Variants in TMEM135 observed in about 807,000 individuals in gnomAD.
TMEM135 encodes the protein peroxisomal membrane protein 52.
In TMEM135, 30 loss-of-function variants were observed where a neutral mutation model predicts 60.3. The ratio of observed to expected loss-of-function variants is 0.50; its 90% CI spans 0.37 to 0.68. The LOEUF is 0.68. Ranked by LOEUF, TMEM135 falls within the 30% of genes least tolerant of loss-of-function variation. The probability of loss-of-function intolerance (pLI) is 0.00; values close to 1 mark genes in which losing one functional copy is unlikely to be tolerated. For missense variants in TMEM135, 468 were observed against 548.8 expected (o/e 0.85, Z 1.47); for synonymous variants, 190 against 186.7 (o/e 1.02, Z -0.14).
At chr11:87,227,269 G>A (rs1940785629) in intron 5 of TMEM135, among the ~76,000 whole-genome samples, 1 of 151,696 alleles carries the variant, frequency 6.6e-6, no homozygotes, top group South Asian at 2.1e-4. Flanking sequence ...CTTCTACACT[G>A]AAAAAAATTG....
At chr11:87,314,413 C>CATA in intron 11 of TMEM135, 58 bp from the exon 12 acceptor site, 1 of 1,406,142 alleles carries the variant, frequency 7.1e-7, no homozygotes, top group Non-Finnish European at 1.0e-6. Flanking sequence ...TTTCTGATGA[C>CATA]ATAATAACAA....
At chr11:87,166,228 G>T (rs1939042725) in intron 5 of TMEM135, among the ~76,000 whole-genome samples, 1 of 151,680 alleles carries the variant, frequency 6.6e-6, no homozygotes, top group Non-Finnish European at 1.5e-5. Context: ...TGGATAGATT[G>T]TAGAAATTTT....
intron 6 of TMEM135, 125 bp downstream of exon 6, chr11:87,236,809 C>A: frequency 1.1e-6 from 1 of 885,548 alleles, no homozygotes; most frequent in Non-Finnish European, 1.8e-6. Flanking sequence ...CCCCCCGCAC[C>A]CCCGCCCAGA....
rs374889595 is a variant in TMEM135, at chr11:87,038,096, C to T, written c.51C>T (p.His17=). 4.8e-5 allele frequency: 78 copies of T among 1,614,060 alleles called. No individual in the cohort carries two copies. Among genetic ancestry groups the T allele is most frequent in the Admixed American group, 6.7e-5 (4 of 60,006 alleles). The change falls in exon 1 of 15, where the codon CAC becomes CAT. Residue 17 remains histidine, a synonymous_variant. Transcript: ENST00000305494. The stretch of plus-strand genomic sequence containing the variant: ...CTCATAACTGCTATGAGATCGGCCA[C>T]ACTTGGCACCCTTCCTGCCGGGTCT... ...SIPHNCYEIG[H]TWHPSCRVSF...
Position 87,305,983 on chromosome 11 carries a change from A to T in TMEM135, c.746A>T (p.Asn249Ile). 1 of 1,602,042 alleles carries T rather than the reference A, an allele frequency of 6.2e-7. No individual in the cohort carries two copies. Among genetic ancestry groups the T allele is most frequent in the Non-Finnish European group, 8.5e-7 (1 of 1,173,044 alleles). Residue 249 changes from asparagine (N) to isoleucine (I), a missense_variant, in exon 9 of 15, where the codon AAT becomes ATT. Coordinates refer to ENST00000305494, the MANE Select transcript of TMEM135 (RefSeq NM_022918.4). Reference sequence around the variant, plus strand: ...AGATGTTGCAAACATTATGAAGATAATTGCATCTCTTATTGCATTAAAGTA... The same window carrying T: ...AGATGTTGCAAACATTATGAAGATATTTGCATCTCTTATTGCATTAAAGTA... ...RHRCCKHYED[N>I]CISYCIKGFI...
At chr11:87,112,348 A>T (rs1160546242) in intron 4 of TMEM135, among the ~76,000 whole-genome samples, 1 of 151,320 alleles carries the variant, frequency 6.6e-6, no homozygotes, top group Non-Finnish European at 1.5e-5. Context: ...TCATTCAGTT[A>T]ACTACTTAAG....
intron 1 of TMEM135, among the ~76,000 whole-genome samples, chr11:87,063,033 A>C (rs1167338196): frequency 6.6e-6 from 1 of 152,188 alleles, no homozygotes; most frequent in Admixed American, 6.5e-5. Flanking sequence ...CCTTGCCCCA[A>C]TATTATAAAT....
At chr11:87,179,333 C>T (rs1939458888) in intron 5 of TMEM135, among the ~76,000 whole-genome samples, 2 of 152,028 alleles carry the variant, frequency 1.3e-5, no homozygotes, top group Non-Finnish European at 2.9e-5. Flanking sequence ...CCTGTGTTTT[C>T]ACTTTCTAAA....
chr11:87,256,175 G>T lies in TMEM135; in HGVS notation c.509+19491G>T, dbSNP rs78043280. On this transcript the variant is annotated intron_variant, in intron 6 of 14. Coordinates refer to ENST00000305494, the MANE Select transcript of TMEM135 (RefSeq NM_022918.4). The stretch of plus-strand genomic sequence containing the variant: ...TGAATTTACTTTTAAACTAAATGTC[G>T]CTTTATGTTTAAATATTATTAGAGG... 3.3e-3 allele frequency among the ~76,000 whole-genome samples: 502 copies of T among 152,136 alleles called. 2 individuals are homozygous for T. The highest frequency in any genetic ancestry group is 0.011 in the African/African-American group (461 of 41,520).
chr11:87,038,567 A>G (rs1458126099), intron 1 of TMEM135, among the ~76,000 whole-genome samples: 1 of 145,540 alleles, frequency 6.9e-6, no homozygotes, highest in Non-Finnish European at 1.5e-5. Flanking sequence ...TATGAGAAGG[A>G]CCTGCAATCT....
At position 87,322,005 on chromosome 11, in the gene TMEM135, C is replaced by T. The variant is rs759157581; in HGVS notation, c.*672C>T. 102 of 454,244 alleles carry T rather than the reference C, an allele frequency of 2.2e-4. 2 individuals carry two copies. The highest frequency in any genetic ancestry group is 1.6e-3 in the South Asian group (102 of 64,468). The allele number at this position is 454,244 out of a possible 1,614,324, so 28.1% of individuals were successfully genotyped here. A position where few individuals can be genotyped will look rare whatever the true frequency, so the allele number is the denominator to read the frequency against. On this transcript the variant is annotated 3_prime_UTR_variant, in exon 15 of 15. Transcript: ENST00000305494. ...ATGACCAGTTAATTGGGCTATTTGG[C>T]AGCCCAGTGAACCTATGTACTAATG...
At chr11:87,279,668 T>G (rs1221344256) in intron 6 of TMEM135, among the ~76,000 whole-genome samples, 17 of 152,246 alleles carry the variant, frequency 1.1e-4, no homozygotes, top group Non-Finnish European at 2.5e-4. Flanking sequence ...TAATATTTGC[T>G]TCATAGATCT....
chr11:87,070,432 C>T (rs1035100503), intron 2 of TMEM135, among the ~76,000 whole-genome samples: 1 of 151,914 alleles, frequency 6.6e-6, no homozygotes, highest in Non-Finnish European at 1.5e-5. Context: ...ATCATGAGGT[C>T]AGGAGTTCGA....
intron 5 of TMEM135, among the ~76,000 whole-genome samples, chr11:87,168,412 G>A (rs1939128825): frequency 6.6e-6 from 1 of 152,016 alleles, no homozygotes; most frequent in Non-Finnish European, 1.5e-5. Flanking sequence ...GTTGATTTTA[G>A]ATCTTTCCCA....
chr11:87,245,106 G>A (rs1941234841), intron 6 of TMEM135, among the ~76,000 whole-genome samples: 1 of 131,608 alleles, frequency 7.6e-6, no homozygotes, highest in African/African-American at 2.9e-5. Flanking sequence ...ATTTCGTTAT[G>A]TACTCAGTAG....
At chr11:87,063,213 A>G (rs1436627379) in intron 1 of TMEM135, among the ~76,000 whole-genome samples, 1 of 152,202 alleles carries the variant, frequency 6.6e-6, no homozygotes, top group Non-Finnish European at 1.5e-5. Context: ...TTCACTTTAT[A>G]TATTTTGATT....
At chr11:87,259,159 G>T in intron 6 of TMEM135, 1 of 626,218 alleles carries the variant, frequency 1.6e-6, no homozygotes, top group Non-Finnish European at 2.9e-6. Context: ...GTCTCATCTA[G>T]CTTCTCCTCG....
chr11:87,169,477 G>T (rs1340078161), intron 5 of TMEM135, among the ~76,000 whole-genome samples: 2 of 151,792 alleles, frequency 1.3e-5, no homozygotes, highest in South Asian at 2.1e-4. Flanking sequence ...TCCTTCAGGA[G>T]CTCTTGTGAG....
chr11:87,312,548 G>A (rs958821338), intron 10 of TMEM135, among the ~76,000 whole-genome samples: 14 of 151,802 alleles, frequency 9.2e-5, no homozygotes, highest in African/African-American at 3.4e-4. Context: ...GTGACCATAT[G>A]GTCTCTGTCA....
Sources: allele counts gnomAD v4.1 joint callset (sites outside exome capture counted in the v4.1 genomes callset), GRCh38; gene constraint gnomAD v4.1.1; transcripts MANE v1.5; gene names NCBI Gene and HGNC (gene_info 2026-07-23, HGNC 2026-07-21).